The following MACROD2 variants were observed in gnomAD, a reference collection of about 807,000 sequenced individuals.
MACROD2 encodes the protein ADP-ribose glycohydrolase MACROD2.
A neutral mutation model predicts 70.4 loss-of-function variants in MACROD2; 36 were observed. The observed-to-expected ratio is 0.51, with a 90% CI of 0.39 to 0.68. The LOEUF (loss-of-function observed/expected upper bound fraction) is 0.68. MACROD2 is among the 30% of genes least tolerant of loss of function. The pLI is 0.00. For missense variants in MACROD2, 496 were observed against 538.4 expected (o/e 0.92, Z 0.78); for synonymous variants, 172 against 178.8 (o/e 0.96, Z 0.30).
At chr20:15,677,794 C>T (rs531534011) in intron 8 of MACROD2, among the ~76,000 whole-genome samples, 187 of 152,246 alleles carry the variant, frequency 1.2e-3, no homozygotes, top group Non-Finnish European at 1.7e-3. Flanking sequence ...TTTGGCCAGG[C>T]GCGGTGGCTC....
At chr20:15,333,231 G>A (rs2078012072) in intron 6 of MACROD2, among the ~76,000 whole-genome samples, 1 of 151,416 alleles carries the variant, frequency 6.6e-6, no homozygotes, top group African/African-American at 2.4e-5. Context: ...TCCAGGTATG[G>A]GACCCAGCAA....
intron 8 of MACROD2, among the ~76,000 whole-genome samples, chr20:15,667,768 T>C (rs2049921653): frequency 6.6e-6 from 1 of 152,218 alleles, no homozygotes; most frequent in Non-Finnish European, 1.5e-5. Context: ...ACTAAATTTG[T>C]TTTTATGTCC....
At chr20:14,839,339 T>A (rs533109807) in intron 5 of MACROD2, among the ~76,000 whole-genome samples, 70 of 152,236 alleles carry the variant, frequency 4.6e-4, no homozygotes, top group Non-Finnish European at 1.2e-4. Flanking sequence ...AGAGATCGCA[T>A]GAAAGAATTT....
chr20:15,004,579 C>T lies in MACROD2; in HGVS notation c.419-225361C>T, dbSNP rs1232025748. Among the ~76,000 whole-genome samples, 2 of 152,132 alleles carry T rather than the reference C, an allele frequency of 1.3e-5. 1 individual carries two copies. Among genetic ancestry groups the T allele is most frequent in the East Asian group, 3.9e-4 (2 of 5,188 alleles). ...TTACATAGTATTTTATTTCTTTTGC[C>T]ACTAAAGACATTCTTACTTTAGCTA... is the stretch of plus-strand genomic sequence containing the variant. On this transcript the variant is annotated intron_variant, in intron 5 of 17. Coordinates refer to ENST00000684519, the MANE Select transcript of MACROD2 (RefSeq NM_001351661.2).
intron 6 of MACROD2, among the ~76,000 whole-genome samples, chr20:15,337,167 C>A (rs887348169): frequency 6.6e-6 from 1 of 151,750 alleles, no homozygotes; most frequent in African/African-American, 2.4e-5. Context: ...AAGAGCTTTA[C>A]AAAATATGCT....
intron 3 of MACROD2, among the ~76,000 whole-genome samples, chr20:14,446,772 A>G (rs2084187311): frequency 6.6e-6 from 1 of 152,064 alleles, no homozygotes; most frequent in African/African-American, 2.4e-5. Flanking sequence ...ATTTCACCAA[A>G]CACTCCAAGT....
chr20:14,856,682 C>A (rs6074806), intron 5 of MACROD2, among the ~76,000 whole-genome samples: 50,210 of 151,946 alleles, frequency 0.33, 9,188 homozygotes, highest in Non-Finnish European at 0.41. Context: ...TCAGATTCAG[C>A]AGGTTTTGGA....
intron 8 of MACROD2, among the ~76,000 whole-genome samples, chr20:15,635,478 A>T (rs141670834): frequency 3.9e-5 from 6 of 152,350 alleles, no homozygotes; most frequent in Admixed American, 2.0e-4. Flanking sequence ...TAGGCAAATT[A>T]GAACAGGAAT....
At chr20:14,722,018 A>G (rs1486369612) in intron 5 of MACROD2, among the ~76,000 whole-genome samples, 5 of 152,210 alleles carry the variant, frequency 3.3e-5, no homozygotes, top group African/African-American at 9.7e-5. Flanking sequence ...AAGAGGTATC[A>G]GTTACTGGCA....
At chr20:14,481,909 A>G (rs1382111175) in intron 3 of MACROD2, among the ~76,000 whole-genome samples, 1 of 152,178 alleles carries the variant, frequency 6.6e-6, no homozygotes, top group Non-Finnish European at 1.5e-5. Context: ...TGCTTAGAAA[A>G]TTGTCTTCAG....
At chr20:14,160,279 A>C (rs1006050959) in intron 3 of MACROD2, among the ~76,000 whole-genome samples, 2 of 152,058 alleles carry the variant, frequency 1.3e-5, no homozygotes, top group Non-Finnish European at 2.9e-5. Context: ...TATTTGGGGT[A>C]GTTTGGGGGA....
rs141083787 is a variant in MACROD2, at chr20:14,148,115, T to A, written c.271+62387T>A. 1.7e-4 allele frequency among the ~76,000 whole-genome samples: 26 copies of A among 152,338 alleles called. No individual in the cohort carries two copies. The East Asian group carries it at 3.7e-3, about 21-fold the overall frequency. Reference sequence around the variant, plus strand: ...ATTAAGGTAATAGTAGAAGGATAATTGAATTTCTTAGCTAAATTGAGGGCT... The same window carrying A: ...ATTAAGGTAATAGTAGAAGGATAATAGAATTTCTTAGCTAAATTGAGGGCT... On this transcript the variant is annotated intron_variant, in intron 3 of 17. Coordinates refer to ENST00000684519, the MANE Select transcript of MACROD2 (RefSeq NM_001351661.2).
At position 15,338,419 on chromosome 20, in the gene MACROD2, C is replaced by T. The variant is rs113013191; in HGVS notation, c.541-92986C>T. On this transcript the variant is annotated intron_variant, in intron 6 of 17. Coordinates refer to ENST00000684519, the MANE Select transcript of MACROD2 (RefSeq NM_001351661.2). Reference sequence around the variant, plus strand: ...ACTTCAAAGTGCCCTGCTGCCATAGCGGAACCACCAACAATCTTTTTCAAA... The same window carrying T: ...ACTTCAAAGTGCCCTGCTGCCATAGTGGAACCACCAACAATCTTTTTCAAA... Among the ~76,000 whole-genome samples the T allele has an allele frequency of 1.6e-4, 25 of 151,598 alleles. 2 individuals carry two copies. Among genetic ancestry groups the T allele is most frequent in the African/African-American group, 5.9e-4 (24 of 40,956 alleles).
chr20:15,622,763 TGA>T (rs1163186780), intron 8 of MACROD2, among the ~76,000 whole-genome samples: 2 of 152,286 alleles, frequency 1.3e-5, no homozygotes, highest in South Asian at 2.1e-4. Context: ...TAAGGTATTT[TGA>T]GAGAGAGAGA....
At chr20:14,875,362 C>T (rs2073538800) in intron 5 of MACROD2, among the ~76,000 whole-genome samples, 1 of 152,046 alleles carries the variant, frequency 6.6e-6, no homozygotes, top group South Asian at 2.1e-4. Flanking sequence ...GCCTTCTAGT[C>T]TGGGGGACAG....
rs2990505 is a variant in MACROD2, at chr20:14,085,630, C to T, written c.173C>T (p.Thr58Ile). ...CCATTTTCTATTACAGAAGAAAATA[C>T]TCAGGAAACATCCCAGGTGAAGAAA... is the stretch of plus-strand genomic sequence containing the variant. ...KGKGQNDEEN[T>I]QETSQVKKSL... Residue 58 changes from threonine (T) to isoleucine (I), a missense_variant, in exon 3 of 18, where the codon ACT becomes ATT. Physicochemically the swap from Thr to Ile is moderately conservative, Grantham distance 89. Coordinates refer to ENST00000684519, the MANE Select transcript of MACROD2 (RefSeq NM_001351661.2). 0.22 allele frequency: 336,765 copies of T among 1,544,974 alleles called. 38,090 individuals are homozygous for T. Among genetic ancestry groups the T allele is most frequent in the African/African-American group, 0.3 (21,406 of 72,454 alleles).
chr20:14,182,847 G>C (rs180710742), intron 3 of MACROD2, among the ~76,000 whole-genome samples: 2 of 151,706 alleles, frequency 1.3e-5, no homozygotes, highest in African/African-American at 4.8e-5. Context: ...TCTTTTCCAG[G>C]CCTTTTGCTT....
intron 3 of MACROD2, among the ~76,000 whole-genome samples, chr20:14,443,257 C>T (rs1442938886): frequency 6.7e-6 from 1 of 150,374 alleles, no homozygotes; most frequent in Admixed American, 6.6e-5. Context: ...AAGACCTACC[C>T]TTTGAGATTA....
At chr20:15,968,768 T>C (rs1028213519) in intron 13 of MACROD2, among the ~76,000 whole-genome samples, 13 of 145,686 alleles carry the variant, frequency 8.9e-5, no homozygotes, top group Admixed American at 7.0e-5. Flanking sequence ...TATTTATATA[T>C]TATAAACATA....
Sources: gnomAD v4.1 joint callset for allele counts (sites outside exome capture counted in the v4.1 genomes callset) on GRCh38, gnomAD v4.1.1 for gene constraint, MANE v1.5 for transcripts, NCBI Gene and HGNC (gene_info 2026-07-23, HGNC 2026-07-21) for gene names.